The following SH3GLB1 variants were observed in gnomAD, a reference collection of about 807,000 sequenced individuals.
SH3GLB1 encodes endophilin-B1.
In SH3GLB1, 17 loss-of-function variants were observed where a neutral mutation model predicts 42.0. The ratio of observed to expected loss-of-function variants is 0.40; its 90% CI spans 0.28 to 0.61. The LOEUF (loss-of-function observed/expected upper bound fraction) is 0.61. Ranked by LOEUF, SH3GLB1 falls within the 20% of genes least tolerant of loss-of-function variation. The pLI is 0.36. For synonymous variants in SH3GLB1, 132 were observed against 146.6 expected (o/e 0.90, Z 0.72); for missense variants, 355 against 426.3 (o/e 0.83, Z 1.47).
At chr1:86,708,046 G>T (rs915272467) in intron 1 of SH3GLB1, among the ~76,000 whole-genome samples, 19 of 152,042 alleles carry the variant, frequency 1.2e-4, no homozygotes, top group African/African-American at 3.6e-4. Flanking sequence ...GGTTCATGAG[G>T]TTTCATTATA....
chr1:86,709,600 G>A (rs1654080538), intron 1 of SH3GLB1, among the ~76,000 whole-genome samples: 1 of 152,140 alleles, frequency 6.6e-6, no homozygotes, highest in Non-Finnish European at 1.5e-5. Context: ...AACAAGAGAT[G>A]TGTTTTTAAC....
rs1343131860 is a variant in SH3GLB1 at position 86,743,987 on chromosome 1, T to C, written c.*752T>C. 6.6e-6 allele frequency: 1 copy of C among 152,630 alleles called. No individual in the cohort carries two copies. Among genetic ancestry groups the C allele is most frequent in the East Asian group, 1.9e-4 (1 of 5,198 alleles). The allele number at this position is 152,630 out of a possible 1,614,324, so 9.5% of individuals were successfully genotyped here. A position where few individuals can be genotyped will look rare whatever the true frequency, so the allele number is the denominator to read the frequency against. On this transcript the variant is annotated 3_prime_UTR_variant, in exon 9 of 9. Transcript: ENST00000370558. Reference sequence around the variant, plus strand: ...TTAAGATTATTCAGTTGGCACAATTTAATGCATAATTGGGATTGGATCCAT... The same window carrying C: ...TTAAGATTATTCAGTTGGCACAATTCAATGCATAATTGGGATTGGATCCAT...
chr1:86,718,042 G>GT (rs34852185), intron 2 of SH3GLB1, among the ~76,000 whole-genome samples: 24,551 of 139,380 alleles, frequency 0.18, 2,283 homozygotes, highest in African/African-American at 0.27. Flanking sequence ...ACACAAAGCT[G>GT]TTTTTTTTTT....
chr1:86,721,934 A>G (rs564622864), intron 3 of SH3GLB1, among the ~76,000 whole-genome samples: 12 of 150,678 alleles, frequency 8.0e-5, no homozygotes, highest in African/African-American at 2.7e-4. Context: ...CTGTGTAAAT[A>G]GTTGTTATGC....
chr1:86,742,316 A>G lies in SH3GLB1; in HGVS notation c.870A>G (p.Leu290=). 1 of 1,614,164 alleles carries G rather than the reference A, an allele frequency of 6.2e-7. No individual in the cohort carries two copies. The change falls in exon 8 of 9, where the codon CTA becomes CTG. Residue 290 remains leucine, a synonymous_variant. Transcript: ENST00000370558. The stretch of plus-strand genomic sequence containing the variant: ...CTGCCATGGCTTCAACAAGTGGCCT[A>G]GTAATCACCTCTCCTTCCAACCTCA... The part of the protein sequence containing the change: ...GSSAMASTSG[L]VITSPSNLSD...
chr1:86,715,014 A>G (rs1418375847), intron 1 of SH3GLB1, among the ~76,000 whole-genome samples: 1 of 152,200 alleles, frequency 6.6e-6, no homozygotes, highest in Non-Finnish European at 1.5e-5. Flanking sequence ...TCTTCATAGT[A>G]TGAATAGGAT....
intron 5 of SH3GLB1, among the ~76,000 whole-genome samples, chr1:86,725,450 C>G (rs1360165272): frequency 6.6e-6 from 1 of 151,642 alleles, no homozygotes; most frequent in African/African-American, 2.4e-5. Context: ...TTAGTTAATC[C>G]AAGTTATACT....
At chr1:86,709,291 G>C (rs1654056857) in intron 1 of SH3GLB1, among the ~76,000 whole-genome samples, 1 of 152,108 alleles carries the variant, frequency 6.6e-6, no homozygotes, top group African/African-American at 2.4e-5. Context: ...ATTTTAGCCA[G>C]GCAAATTACC....
intron 1 of SH3GLB1, among the ~76,000 whole-genome samples, chr1:86,711,678 T>C (rs1402053785): frequency 6.6e-6 from 1 of 152,154 alleles, no homozygotes; most frequent in Non-Finnish European, 1.5e-5. Context: ...GACTTGAAGA[T>C]GTTGAAAACT....
intron 2 of SH3GLB1, among the ~76,000 whole-genome samples, chr1:86,717,269 G>T (rs1275322484): frequency 6.6e-6 from 1 of 152,016 alleles, no homozygotes; most frequent in Non-Finnish European, 1.5e-5. Flanking sequence ...TTTTCCCCTT[G>T]TTCTAAACAT....
chr1:86,739,701 G>A lies in SH3GLB1; in HGVS notation c.762-2507G>A, dbSNP rs558924917. Among the ~76,000 whole-genome samples, 63 of 152,248 alleles carry A rather than the reference G, an allele frequency of 4.1e-4. 1 individual carries two copies. The highest frequency in any genetic ancestry group is 3.5e-3 in the Admixed American group (53 of 15,292). On this transcript the variant is annotated intron_variant, in intron 7 of 8. Transcript: ENST00000370558. ...AGGAGAAATAAGGGCATGTTTGTAA[G>A]CTGATGGGAATGATACACTAGGTGG... is the stretch of plus-strand genomic sequence containing the variant.
At chr1:86,719,726 T>C in intron 3 of SH3GLB1, 91 bp downstream of exon 3, 1 of 1,342,962 alleles carries the variant, frequency 7.4e-7, no homozygotes, top group Non-Finnish European at 1.0e-6. Flanking sequence ...CCGGGTGCAG[T>C]GGCTCACACC....
intron 1 of SH3GLB1, among the ~76,000 whole-genome samples, chr1:86,707,205 G>A (rs572472903): frequency 2.6e-5 from 4 of 152,300 alleles, no homozygotes; most frequent in African/African-American, 7.2e-5. Context: ...CATTAGTATC[G>A]TGTATAGATA....
intron 5 of SH3GLB1, chr1:86,728,530 G>A: frequency 1.7e-6 from 2 of 1,207,018 alleles, no homozygotes; most frequent in Non-Finnish European, 1.2e-6. Context: ...TGAATAAAGT[G>A]CCTTCTCTTG....
In SH3GLB1 at chr1:86,744,590, A is replaced by T. The variant is rs1044948231; in HGVS notation, c.*1355A>T. Reference sequence around the variant, plus strand: ...ATGTGTAACCAAGATAGCATAGCACATTCTGACAACTAAAGCAATTTACTC... The same window carrying T: ...ATGTGTAACCAAGATAGCATAGCACTTTCTGACAACTAAAGCAATTTACTC... On this transcript the variant is annotated 3_prime_UTR_variant, in exon 9 of 9. Transcript: ENST00000370558. 5 of 152,226 alleles carry T rather than the reference A, an allele frequency of 3.3e-5. No individual in the cohort carries two copies. Among genetic ancestry groups the T allele is most frequent in the African/African-American group, 1.2e-4 (5 of 41,452 alleles). The allele number at this position is 152,226 out of a possible 1,614,324, so 9.4% of individuals were successfully genotyped here.
At position 86,746,565 on chromosome 1, in the gene SH3GLB1, G is replaced by A. The variant is rs41287737; in HGVS notation, c.*3330G>A. The A allele has an allele frequency of 0.027, 4,088 of 152,188 alleles. 108 individuals are homozygous for A. The highest frequency in any genetic ancestry group is 0.065 in the African/African-American group (2,701 of 41,498). The allele number at this position is 152,188 out of a possible 1,614,324, so 9.4% of individuals were successfully genotyped here. ...ACCCCTGCCCTTTCTCCCATATTAC[G>A]CTCATTAGAAAGTCTACTCAGGGCT... is the stretch of plus-strand genomic sequence containing the variant. On this transcript the variant is annotated 3_prime_UTR_variant, in exon 9 of 9. Transcript: ENST00000370558.
chr1:86,731,939 C>A (rs1655531669), intron 5 of SH3GLB1, among the ~76,000 whole-genome samples: 1 of 152,062 alleles, frequency 6.6e-6, no homozygotes, highest in African/African-American at 2.4e-5. Flanking sequence ...ATTAGCCAGG[C>A]ATGGTGTCCC....
Position 86,733,747 on chromosome 1 carries a change from T to C in SH3GLB1, c.571-855T>C, listed in dbSNP as rs371146691. On this transcript the variant is annotated intron_variant, in intron 5 of 8. Coordinates refer to ENST00000370558, the MANE Select transcript of SH3GLB1 (RefSeq NM_016009.5). ...GCAGCAGTAAGCCTCCTTTATCAGA[T>C]GGTTGAAACCAGTAGTGGCATACTG... 2.9e-4 allele frequency among the ~76,000 whole-genome samples: 44 copies of C among 152,320 alleles called. 1 individual carries two copies. The South Asian group carries it at 8.7e-3, about 30-fold the overall frequency.
At chr1:86,715,253 A>G (rs1418119404) in intron 1 of SH3GLB1, among the ~76,000 whole-genome samples, 1 of 152,238 alleles carries the variant, frequency 6.6e-6, no homozygotes, top group Non-Finnish European at 1.5e-5. Flanking sequence ...CCCAAACACT[A>G]TAAAATATGT....
Sources: gnomAD v4.1 joint callset for allele counts (sites outside exome capture counted in the v4.1 genomes callset) on GRCh38, gnomAD v4.1.1 for gene constraint, MANE v1.5 for transcripts, NCBI Gene and HGNC (gene_info 2026-07-23, HGNC 2026-07-21) for gene names.